Variants in ZNF728 observed in about 807,000 individuals in gnomAD.
ZNF728 encodes zinc finger protein 728.
ZNF728 carries 12 observed loss-of-function variants against 12.5 expected under a neutral mutation model. That is an observed-to-expected ratio of 0.96 (90% confidence interval 0.61 to 1.55). The LOEUF (loss-of-function observed/expected upper bound fraction) is 1.55. ZNF728 is among the 40% of genes most tolerant of loss of function. The pLI is 0.00. For synonymous variants in ZNF728, 205 were observed against 240.7 expected (o/e 0.85, Z 1.37); for missense variants, 692 against 719.2 (o/e 0.96, Z 0.43).
chr19:23,001,015 T>C (rs1919255), intron 1 of ZNF728, among the ~76,000 whole-genome samples: 1 of 152,134 alleles, frequency 6.6e-6, no homozygotes, highest in Admixed American at 6.5e-5. Flanking sequence ...CACCCCATCC[T>C]GTTCACTTAA....
intron 3 of ZNF728, 122 bp downstream of exon 3, chr19:22,987,185 TA>T: frequency 1.1e-6 from 1 of 906,180 alleles, no homozygotes; most frequent in Non-Finnish European, 1.6e-6. Flanking sequence ...AAAATAAAAA[TA>T]AAAATTAGGC....
At chr19:22,979,750 C>A (rs1006899731) in intron 3 of ZNF728, among the ~76,000 whole-genome samples, 3 of 152,128 alleles carry the variant, frequency 2.0e-5, no homozygotes, top group Admixed American at 6.5e-5. Flanking sequence ...AATTTAATAT[C>A]CAGCCAAACT....
At chr19:22,981,350 T>C (rs1319559475) in intron 3 of ZNF728, among the ~76,000 whole-genome samples, 1 of 152,218 alleles carries the variant, frequency 6.6e-6, no homozygotes, top group South Asian at 2.1e-4. Flanking sequence ...GATCCCTGAA[T>C]AGGCCAATAA....
intron 1 of ZNF728, among the ~76,000 whole-genome samples, chr19:22,998,368 A>C (rs1969071335): frequency 1.3e-5 from 2 of 151,464 alleles, no homozygotes; most frequent in South Asian, 2.1e-4. Context: ...AAAAAAAAAA[A>C]CATAAAGAAA....
intron 1 of ZNF728, chr19:22,994,941 A>C (rs1364610786): frequency 6.5e-6 from 1 of 153,230 alleles, no homozygotes; most frequent in African/African-American, 2.4e-5. Context: ...GGTGAACCCC[A>C]ATTGCCACAG....
intron 1 of ZNF728, among the ~76,000 whole-genome samples, chr19:22,999,402 AGCTTTC>A (rs759243301): frequency 0.01 from 1,548 of 152,210 alleles, 28 homozygotes; most frequent in African/African-American, 0.036. Flanking sequence ...GTGGGGCCCC[AGCTTTC>A]CAAGGCTCTG....
intron 1 of ZNF728, among the ~76,000 whole-genome samples, chr19:22,993,051 T>C (rs930030007): frequency 1.3e-5 from 2 of 152,146 alleles, no homozygotes; most frequent in African/African-American, 4.8e-5. Flanking sequence ...ATTTTACAGG[T>C]AGATATAGTT....
chr19:22,984,615 CATAT>C (rs1366499468), intron 3 of ZNF728, among the ~76,000 whole-genome samples: 1 of 136,042 alleles, frequency 7.4e-6, no homozygotes, highest in African/African-American at 2.9e-5. Flanking sequence ...CACACACACA[CATAT>C]ACACACACAT....
Position 22,976,319 on chromosome 19 carries a change from A to G in ZNF728, c.1018T>C (p.Cys340Arg), listed in dbSNP as rs1179861466. 6.2e-7 allele frequency: 1 copy of G among 1,613,400 alleles called. No homozygotes were observed. The change falls in exon 4 of 4, where the codon TGC becomes CGC. Residue 340 changes from cysteine to arginine, a missense_variant. Cys to Arg is a radical substitution (Grantham distance 180). This residue lies in a region of ZNF728 where 440 missense variants were observed against 459.6 expected (regional missense o/e 0.96). Transcript: ENST00000594710. Reference sequence around the variant, plus strand: ...GCTTTGCCACATTCTTCACATTTGCAGGGCTTCTCTCCAGTATGAATTCTC... The same window carrying G: ...GCTTTGCCACATTCTTCACATTTGCGGGGCTTCTCTCCAGTATGAATTCTC... ...HKRIHTGEKPCKCEECGKAFG... is the reference protein window; with the variant it reads ...HKRIHTGEKPRKCEECGKAFG...
intron 3 of ZNF728, among the ~76,000 whole-genome samples, chr19:22,979,276 C>T (rs1968837383): frequency 6.6e-6 from 1 of 151,946 alleles, no homozygotes; most frequent in East Asian, 1.9e-4. Context: ...GACTGAAGAT[C>T]AACTTAATGA....
rs1969133662 is a variant in ZNF728 at position 23,003,170 on chromosome 19, A to C, written c.-140T>G. 2.9e-6 allele frequency: 3 copies of C among 1,024,510 alleles called. No individual in the cohort carries two copies. Among genetic ancestry groups the C allele is most frequent in the Non-Finnish European group, 4.2e-6 (3 of 719,622 alleles). 63.5% of individuals were successfully genotyped at this position (1,024,510 alleles called of 1,614,324 possible). A position where few individuals can be genotyped will look rare whatever the true frequency, so the allele number is the denominator to read the frequency against. On this transcript the variant is annotated 5_prime_UTR_variant, in exon 1 of 4. Coordinates refer to ENST00000594710, the MANE Select transcript of ZNF728 (RefSeq NM_001267716.2). The stretch of plus-strand genomic sequence containing the variant: ...CACCTTGACCTCCGCGTGCAGCGAG[A>C]GCCAACGGTCCTACCACATCCCGGA...
chr19:22,995,774 C>CTGCT (rs779454813), intron 1 of ZNF728: 24 of 152,206 alleles, frequency 1.6e-4, no homozygotes, highest in Non-Finnish European at 2.1e-4. Flanking sequence ...TCCATCTCTG[C>CTGCT]TGCTCTCTTA....
intron 1 of ZNF728, among the ~76,000 whole-genome samples, chr19:23,001,187 T>G (rs765128145): frequency 1.5e-4 from 23 of 152,206 alleles, no homozygotes; most frequent in Non-Finnish European, 2.9e-4. Flanking sequence ...TATTTCACTA[T>G]TTTTCTGTCC....
At chr19:22,984,156 C>T (rs1968889531) in intron 3 of ZNF728, among the ~76,000 whole-genome samples, 1 of 151,926 alleles carries the variant, frequency 6.6e-6, no homozygotes, top group Non-Finnish European at 1.5e-5. Context: ...TGATAGACCA[C>T]CTCTTAGGCC....
intron 3 of ZNF728, 137 bp from the exon 4 acceptor site, chr19:22,977,247 T>C (rs531843703): frequency 1.2e-6 from 1 of 824,312 alleles, no homozygotes; most frequent in Non-Finnish European, 1.8e-6. Context: ...TTCACAGACA[T>C]ATAAATGTAA....
At chr19:22,995,573 G>A (rs576405995) in intron 1 of ZNF728, 3 of 152,386 alleles carry the variant, frequency 2.0e-5, no homozygotes, top group South Asian at 2.1e-4. Flanking sequence ...AAATAGCTGG[G>A]ACTATAGGCA....
chr19:22,975,735 T>C lies in ZNF728; in HGVS notation c.1602A>G (p.Lys534=). The change falls in exon 4 of 4, where the codon AAA becomes AAG. Residue 534 remains lysine, a synonymous_variant. Coordinates refer to ENST00000594710, the MANE Select transcript of ZNF728 (RefSeq NM_001267716.2). ...TKHKVIHTGE[K]QYKCEECGKA... is the part of the protein sequence containing the mutation. ...TGCCACATTCTTCACATTTGTATTG[T>C]TTCTCTCCAGTATGAATTACCTTAT... is the stretch of plus-strand genomic sequence containing the variant. 6.2e-7 allele frequency: 1 copy of C among 1,611,810 alleles called. No individual in the cohort carries two copies. Among genetic ancestry groups the C allele is most frequent in the Non-Finnish European group, 8.5e-7 (1 of 1,179,868 alleles).
chr19:23,000,775 T>C (rs1219676912), intron 1 of ZNF728, among the ~76,000 whole-genome samples: 1 of 144,774 alleles, frequency 6.9e-6, no homozygotes, highest in African/African-American at 2.6e-5. Flanking sequence ...GGCTGAGGCA[T>C]GAGAATCACT....
Position 22,976,388 on chromosome 19 carries a change from A to G in ZNF728, c.949T>C (p.Cys317Arg), listed in dbSNP as rs947325284. The change falls in exon 4 of 4, where the codon TGT becomes CGT. Residue 317 changes from cysteine (C) to arginine (R), a missense_variant. Physicochemically the swap from Cys to Arg is radical, Grantham distance 180 (BLOSUM62 -3). Around this residue, in one of 3 missense-constraint regions of ZNF728, gnomAD observed 440 missense variants for 459.6 expected, o/e 0.96. Transcript: ENST00000594710. ...GAGGACCGGTTGAAAGCTTTGCCAC[A>G]TTCTTCACATTTGTAGGGTTTCTCT... ...AGEKPYKCEE[C>R]GKAFNRSSNL... The G allele has an allele frequency of 6.2e-7, 1 of 1,613,066 alleles. No homozygotes were observed. Among genetic ancestry groups the G allele is most frequent in the Non-Finnish European group, 8.5e-7 (1 of 1,179,932 alleles).
Sources: allele counts gnomAD v4.1 joint callset (sites outside exome capture counted in the v4.1 genomes callset), GRCh38; gene constraint gnomAD v4.1.1; regional missense constraint gnomAD v4.1.1; transcripts MANE v1.5; gene names NCBI Gene and HGNC (gene_info 2026-07-23, HGNC 2026-07-21).